Variants in DLG2 observed in about 807,000 individuals in gnomAD.
DLG2 encodes disks large homolog 2.
Under a neutral mutation model 132.5 loss-of-function variants are expected in DLG2, and 45 were observed. The observed-to-expected ratio is 0.34, with a 90% CI of 0.27 to 0.44. The LOEUF is 0.44. DLG2 is among the 20% of genes least tolerant of loss of function. The pLI, the probability that DLG2 is intolerant of heterozygous loss-of-function variation, is 1.00. For missense variants in DLG2, 1,045 were observed against 1,196.9 expected, an observed-to-expected ratio of 0.87 and a Z score of 1.87; for synonymous variants, 424 against 419.6, an observed-to-expected ratio of 1.01 and a Z score of -0.13.
chr11:83,716,959 C>T (rs141937300), intron 18 of DLG2, among the ~76,000 whole-genome samples: 1 of 152,152 alleles, frequency 6.6e-6, no homozygotes, highest in Non-Finnish European at 1.5e-5. Context: ...AACAACCATA[C>T]TCTTAGGCTT....
At chr11:83,769,721 G>A (rs557458259) in intron 18 of DLG2, among the ~76,000 whole-genome samples, 1 of 151,896 alleles carries the variant, frequency 6.6e-6, no homozygotes, top group Non-Finnish European at 1.5e-5. Flanking sequence ...CCACCACTAC[G>A]CCTGGCTAAG....
chr11:83,964,999 A>C (rs1314265313), intron 13 of DLG2, among the ~76,000 whole-genome samples: 1 of 151,992 alleles, frequency 6.6e-6, no homozygotes, highest in African/African-American at 2.4e-5. Flanking sequence ...AAGAAATAAT[A>C]TGATGGCATG....
At chr11:83,965,099 C>G (rs1233567638) in intron 13 of DLG2, among the ~76,000 whole-genome samples, 2 of 151,962 alleles carry the variant, frequency 1.3e-5, no homozygotes, top group Non-Finnish European at 2.9e-5. Flanking sequence ...CAACATTAAG[C>G]CTTTCCATAA....
intron 6 of DLG2, among the ~76,000 whole-genome samples, chr11:84,894,555 A>G (rs1023165511): frequency 6.6e-6 from 1 of 152,170 alleles, no homozygotes; most frequent in South Asian, 2.1e-4. Flanking sequence ...CTTTCATTAA[A>G]TAAGAAAAAG....
chr11:85,033,386 CAAAA>C (rs750024023), intron 6 of DLG2, among the ~76,000 whole-genome samples: 9 of 80,842 alleles, frequency 1.1e-4, no homozygotes, highest in African/African-American at 3.0e-4. Context: ...TATATCCTAG[CAAAA>C]AAAAAAAAAA....
At chr11:84,364,884 T>C (rs2098672492) in intron 7 of DLG2, among the ~76,000 whole-genome samples, 2 of 152,162 alleles carry the variant, frequency 1.3e-5, no homozygotes, top group African/African-American at 2.4e-5. Context: ...GTGGATAAGC[T>C]TTTTGATGGT....
At chr11:84,838,630 T>G (rs1227780911) in intron 6 of DLG2, among the ~76,000 whole-genome samples, 2 of 151,910 alleles carry the variant, frequency 1.3e-5, no homozygotes, top group Non-Finnish European at 2.9e-5. Flanking sequence ...AGGAAATGTA[T>G]ATAAGAATGT....
At chr11:84,972,786 CAAACATTTAA>C (rs368781525) in intron 6 of DLG2, among the ~76,000 whole-genome samples, 114 of 152,184 alleles carry the variant, frequency 7.5e-4, no homozygotes, top group African/African-American at 2.5e-3. Flanking sequence ...TGCCATCCCT[CAAACATTTAA>C]AAACAGCTCC....
In DLG2 at chr11:85,331,206, T is replaced by C. The variant is rs573165082; in HGVS notation, c.41-45841A>G. On this transcript the variant is annotated intron_variant, in intron 3 of 27. Transcript: ENST00000376104. ...ATGGCCTATGGACATGTGGCATGGG[T>C]TTCAACTAGCAGGCCAAAACTGTTA... Among the ~76,000 whole-genome samples the C allele has an allele frequency of 4.7e-3, 711 of 152,258 alleles. 1 individual carries two copies. Among genetic ancestry groups the C allele is most frequent in the Non-Finnish European group, 7.7e-3 (521 of 68,000 alleles).
chr11:84,533,746 G>A (rs2099348323), intron 7 of DLG2, among the ~76,000 whole-genome samples: 1 of 151,706 alleles, frequency 6.6e-6, no homozygotes, highest in African/African-American at 2.4e-5. Context: ...AGAAATTTTT[G>A]TTTAGCAATA....
At chr11:84,046,250 A>G (rs2096240895) in intron 11 of DLG2, among the ~76,000 whole-genome samples, 1 of 151,578 alleles carries the variant, frequency 6.6e-6, no homozygotes, top group Non-Finnish European at 1.5e-5. Flanking sequence ...GTTTGGTGCA[A>G]AAGTAATTGT....
In DLG2 at chr11:84,645,463, CTTTA is replaced by C. The variant is rs559996063; in HGVS notation, c.358-110736_358-110733del. On this transcript the variant is annotated intron_variant, in intron 6 of 27. Transcript: ENST00000376104. ...CTATTAAGTGACCATCCATAATTAT[CTTTA>C]TTTATTTATTTATTTTTTGAGACAG... Among the ~76,000 whole-genome samples the C allele has an allele frequency of 2.7e-4, 41 of 152,020 alleles. 1 individual carries two copies. The highest frequency in any genetic ancestry group is 6.5e-4 in the African/African-American group (27 of 41,500).
chr11:85,206,903 CA>C (rs548249849), intron 4 of DLG2, among the ~76,000 whole-genome samples: 3,034 of 151,740 alleles, frequency 0.02, 57 homozygotes, highest in Admixed American at 0.037. Context: ...TTTTTTGTCA[CA>C]AAAAAAATCT....
chr11:84,945,586 G>A (rs1263946983), intron 6 of DLG2, among the ~76,000 whole-genome samples: 1 of 152,150 alleles, frequency 6.6e-6, no homozygotes, highest in Admixed American at 6.5e-5. Flanking sequence ...TTCCCTCAAG[G>A]CTCAAGTGCT....
At chr11:85,516,306 G>A (rs530852517) in intron 3 of DLG2, among the ~76,000 whole-genome samples, 133 of 152,072 alleles carry the variant, frequency 8.7e-4, no homozygotes, top group African/African-American at 3.1e-3. Context: ...AAGACTAAGA[G>A]GGAAGTTTTG....
intron 7 of DLG2, among the ~76,000 whole-genome samples, chr11:84,534,012 T>G (rs2099349581): frequency 6.7e-6 from 1 of 150,272 alleles, no homozygotes; most frequent in South Asian, 2.1e-4. Flanking sequence ...CTTGTCGAAA[T>G]ATAATTTATC....
At chr11:84,608,860 A>C (rs1336445438) in intron 6 of DLG2, among the ~76,000 whole-genome samples, 2 of 152,228 alleles carry the variant, frequency 1.3e-5, no homozygotes, top group Admixed American at 1.3e-4. Context: ...GTAAATGTTT[A>C]TTCCCATAAT....
At chr11:83,832,644 C>T (rs79342311) in intron 17 of DLG2, among the ~76,000 whole-genome samples, 2,343 of 152,260 alleles carry the variant, frequency 0.015, 25 homozygotes, top group Non-Finnish European at 0.026. Context: ...TGAAAAACTA[C>T]TGGGTACTAC....
At chr11:84,282,043 T>C (rs1191486954) in intron 7 of DLG2, among the ~76,000 whole-genome samples, 1 of 152,236 alleles carries the variant, frequency 6.6e-6, no homozygotes, top group Non-Finnish European at 1.5e-5. Flanking sequence ...TAAAAGCACA[T>C]GTCTATTCAA....
Sources: allele counts gnomAD v4.1 joint callset (sites outside exome capture counted in the v4.1 genomes callset), GRCh38; gene constraint gnomAD v4.1.1; transcripts MANE v1.5; gene names NCBI Gene and HGNC (gene_info 2026-07-23, HGNC 2026-07-21).